OLFM3: variants seen among roughly 807,000 people sequenced by gnomAD.
The protein encoded by OLFM3 is olfactomedin 3.
Under a neutral mutation model 48.6 loss-of-function variants are expected in OLFM3, and 20 were observed. That is an observed-to-expected ratio of 0.41 (90% confidence interval 0.29 to 0.60). The LOEUF (loss-of-function observed/expected upper bound fraction) is 0.60, where lower values mean the gene tolerates loss of function less well. Among genes scored for constraint, OLFM3 ranks in the 20% least tolerant of loss-of-function variants. The pLI is 0.28. For synonymous variants in OLFM3, 222 were observed against 198.1 expected (o/e 1.12, Z -1.01); for missense variants, 437 against 544.3 (o/e 0.80, Z 1.96).
rs12077612 is a variant in OLFM3, at chr1:101,813,494, G to T, written c.593-7312C>A. Among the ~76,000 whole-genome samples the T allele has an allele frequency of 5.7e-3, 868 of 152,184 alleles. 10 individuals carry two copies. The highest frequency in any genetic ancestry group is 0.02 in the African/African-American group (810 of 41,522). On this transcript the variant is annotated intron_variant, in intron 4 of 5. Coordinates refer to ENST00000370103, the MANE Select transcript of OLFM3 (RefSeq NM_058170.4). Reference sequence around the variant, plus strand: ...TCAAATATAGTTATATTTCACCATAGCTCACCGATTTGTTCCTGCACACGT... The same window carrying T: ...TCAAATATAGTTATATTTCACCATATCTCACCGATTTGTTCCTGCACACGT...
At chr1:101,966,242 G>A in intron 1 of OLFM3, among the ~76,000 whole-genome samples, 1 of 152,012 alleles carries the variant, frequency 6.6e-6, no homozygotes, top group East Asian at 1.9e-4. Flanking sequence ...ATAGCTCACT[G>A]CAGCTTTGGT....
At chr1:101,980,400 G>A (rs749409463) in intron 1 of OLFM3, among the ~76,000 whole-genome samples, 21 of 152,100 alleles carry the variant, frequency 1.4e-4, no homozygotes, top group African/African-American at 4.6e-4. Context: ...AAGTGGAGGT[G>A]ACTGGATCAT....
At chr1:101,814,055 GTGCTT>G (rs1370407967) in intron 4 of OLFM3, among the ~76,000 whole-genome samples, 2 of 152,222 alleles carry the variant, frequency 1.3e-5, no homozygotes, top group Middle Eastern at 3.4e-3. Flanking sequence ...AGGGGACAAA[GTGCTT>G]TGCATAAAGT....
At chr1:101,841,315 C>T (rs1185362390) in intron 1 of OLFM3, among the ~76,000 whole-genome samples, 2 of 152,184 alleles carry the variant, frequency 1.3e-5, no homozygotes, top group Non-Finnish European at 2.9e-5. Context: ...TATGAGGAAA[C>T]TGGAAACCAA....
chr1:101,822,618 A>T (rs1258650445), intron 4 of OLFM3, among the ~76,000 whole-genome samples: 1 of 152,160 alleles, frequency 6.6e-6, no homozygotes, highest in Non-Finnish European at 1.5e-5. Flanking sequence ...TTTATGAGCT[A>T]ATAGAAAATG....
chr1:101,826,327 T>A (rs923648123), intron 3 of OLFM3, among the ~76,000 whole-genome samples: 10 of 152,040 alleles, frequency 6.6e-5, no homozygotes, highest in South Asian at 2.1e-4. Flanking sequence ...AAATAAATAT[T>A]TCTTTATTTA....
At chr1:101,966,097 C>A (rs1356195563) in intron 1 of OLFM3, among the ~76,000 whole-genome samples, 1 of 152,200 alleles carries the variant, frequency 6.6e-6, no homozygotes, top group African/African-American at 2.4e-5. Context: ...CTATTAGCCC[C>A]ATGGTACTGT....
At chr1:101,832,666 G>C (rs1655217738) in intron 2 of OLFM3, among the ~76,000 whole-genome samples, 1 of 152,190 alleles carries the variant, frequency 6.6e-6, no homozygotes, top group Admixed American at 6.5e-5. Flanking sequence ...ACCAGGCACA[G>C]AGTAAGTGTT....
Position 101,804,371 on chromosome 1 carries a change from T to C in OLFM3, c.1244A>G (p.His415Arg), listed in dbSNP as rs1436903058. ...CATGGATATGTGAAAGTATTGGTTA[T>C]GGAAGGGAATGTCTGTGTACTCATA... ...STYEYTDIPF[H>R]NQYFHISMLD... The change falls in exon 6 of 6, where the codon CAT (histidine) becomes CGT (arginine). Residue 415 changes from histidine to arginine, a missense_variant. Coordinates refer to ENST00000370103, the MANE Select transcript of OLFM3 (RefSeq NM_058170.4). This position sits in a 1 kb window ranked among gnomAD's most constrained non-coding sequence, Gnocchi z 4.5. 2 of 1,612,514 alleles carry C rather than the reference T, an allele frequency of 1.2e-6. No homozygotes were observed. The highest frequency in any genetic ancestry group is 1.3e-5 in the African/African-American group (1 of 74,858).
chr1:101,845,304 G>A (rs1361475569), intron 1 of OLFM3, among the ~76,000 whole-genome samples: 1 of 151,682 alleles, frequency 6.6e-6, no homozygotes, highest in African/African-American at 2.4e-5. Flanking sequence ...AGTAAGTAAA[G>A]ATATTTAATT....
chr1:101,879,067 T>C (rs1657413354), intron 1 of OLFM3, among the ~76,000 whole-genome samples: 1 of 151,912 alleles, frequency 6.6e-6, no homozygotes, highest in South Asian at 2.1e-4. Flanking sequence ...AATTATCACC[T>C]CAGCTTTGAG....
At chr1:101,825,837 T>C (rs1293383280) in intron 3 of OLFM3, among the ~76,000 whole-genome samples, 1 of 152,204 alleles carries the variant, frequency 6.6e-6, no homozygotes, top group Non-Finnish European at 1.5e-5. Flanking sequence ...CTTGAACTTT[T>C]AAATATCAAT....
rs1377481909 is a variant in OLFM3 at position 101,869,387 on chromosome 1, A to T, written c.70-32362T>A. Among the ~76,000 whole-genome samples, 9 of 152,142 alleles carry T rather than the reference A, an allele frequency of 5.9e-5. No homozygotes were observed. In the East Asian group the frequency reaches 1.7e-3, roughly 29 times the overall value. On this transcript the variant is annotated intron_variant, in intron 1 of 5. Transcript: ENST00000370103. ...GGTTTAATGACTGCCTTTTTGGCCA[A>T]TTTCTCCCTTTTGGAATGAGAGTAT...
chr1:101,910,200 C>T (rs2101027275), intron 1 of OLFM3: 1 of 886,098 alleles, frequency 1.1e-6, no homozygotes. Flanking sequence ...GGCGCGGTCG[C>T]TCACGCCTGT....
chr1:101,883,475 A>G (rs1030530024), intron 1 of OLFM3, among the ~76,000 whole-genome samples: 11 of 151,758 alleles, frequency 7.2e-5, no homozygotes, highest in African/African-American at 2.7e-4. Context: ...AAGCTCCCCA[A>G]GTGGTAGGAG....
Position 101,993,357 on chromosome 1 carries a change from C to T in OLFM3, c.69+3391G>A, listed in dbSNP as rs928266469. On this transcript the variant is annotated intron_variant, in intron 1 of 5. Coordinates refer to ENST00000370103, the MANE Select transcript of OLFM3 (RefSeq NM_058170.4). Reference sequence around the variant, plus strand: ...CTACCATCAAGGTCATTACTGAAATCAATGCCTTCAGTTTAAAAGCACAGA... The same window carrying T: ...CTACCATCAAGGTCATTACTGAAATTAATGCCTTCAGTTTAAAAGCACAGA... Among the ~76,000 whole-genome samples the T allele has an allele frequency of 3.3e-5, 5 of 152,270 alleles. No homozygotes were observed. The East Asian group carries it at 9.6e-4, about 29-fold the overall frequency.
rs373872773 is a variant in OLFM3, at chr1:101,804,964, C to T, written c.700-49G>A. 8.1e-5 allele frequency: 114 copies of T among 1,400,482 alleles called. No individual in the cohort carries two copies. In the African/African-American group the frequency reaches 1.5e-3, roughly 18 times the overall value. The allele number at this position is 1,400,482 out of a possible 1,614,324, so 86.8% of individuals were successfully genotyped here. On this transcript the variant is annotated intron_variant, in intron 5 of 5. Transcript: ENST00000370103. The surrounding 1 kb of genome is among the most constrained non-coding windows in gnomAD (Gnocchi z 4.5). ...TGGAGTGACTAAATTCTGTACTTTT[C>T]TGATAACCCCAAAAGAAAGACAGTG... is the stretch of plus-strand genomic sequence containing the variant.
At chr1:101,813,169 GAA>G in intron 4 of OLFM3, 2 of 1,153,474 alleles carry the variant, frequency 1.7e-6, no homozygotes, top group South Asian at 2.6e-5. Flanking sequence ...TTTAAAGAAA[GAA>G]GTTATATTGG....
At chr1:101,937,509 A>G (rs1438272308) in intron 1 of OLFM3, among the ~76,000 whole-genome samples, 1 of 152,140 alleles carries the variant, frequency 6.6e-6, no homozygotes, top group Non-Finnish European at 1.5e-5. Flanking sequence ...TACTTATGAC[A>G]GTGAATAAGT....
Sources: gnomAD v4.1 joint callset for allele counts (sites outside exome capture counted in the v4.1 genomes callset) on GRCh38, gnomAD v4.1.1 for gene constraint, Gnocchi (gnomAD v3.1) non-coding constraint, MANE v1.5 for transcripts, NCBI Gene and HGNC (gene_info 2026-07-23, HGNC 2026-07-21) for gene names.